SAMD15: variants seen among roughly 807,000 people sequenced by gnomAD.
SAMD15 encodes the protein sterile alpha motif domain containing 15.
In SAMD15, 37 loss-of-function variants were observed where a neutral mutation model predicts 50.5. The observed-to-expected ratio is 0.73, with a 90% CI of 0.56 to 0.96. The LOEUF is 0.96. SAMD15 is among the 40% of genes least tolerant of loss of function. The probability of loss-of-function intolerance (pLI) is 0.00; values close to 1 mark genes in which losing one functional copy is unlikely to be tolerated. For missense variants in SAMD15, 789 were observed against 783.8 expected (o/e 1.01, Z -0.08); for synonymous variants, 255 against 282.8 (o/e 0.90, Z 0.99).
In SAMD15 at chr14:77,391,126, G is replaced by C; in HGVS notation, c.1907G>C (p.Gly636Ala). The C allele has an allele frequency of 1.9e-6, 3 of 1,613,584 alleles. No individual in the cohort carries two copies. The highest frequency in any genetic ancestry group is 2.5e-6 in the Non-Finnish European group (3 of 1,179,582). The stretch of plus-strand genomic sequence containing the variant: ...TATTTAGAGCAAAAAGGTCATACTG[G>C]GATAAAATCTGATTCCTTGACTTTA... ...GLYLEQKGHT[G>A]IKSDSLTLSE... The change falls in exon 3 of 3, where the codon GGG becomes GCG. Residue 636 changes from glycine (G) to alanine (A), a missense_variant. Around this residue, in one of 2 missense-constraint regions of SAMD15, gnomAD observed 770 missense variants for 745.4 expected, o/e 1.03. Coordinates refer to ENST00000216471, the MANE Select transcript of SAMD15 (RefSeq NM_001010860.4).
intron 2 of SAMD15, among the ~76,000 whole-genome samples, chr14:77,381,144 C>T (rs1015224420): frequency 3.9e-5 from 6 of 152,126 alleles, no homozygotes; most frequent in African/African-American, 1.4e-4. Context: ...CACAGTAGCC[C>T]CCATCCCAAG....
Position 77,377,808 on chromosome 14 carries a change from T to G in SAMD15, c.390T>G (p.His130Gln). The G allele has an allele frequency of 1.2e-6, 2 of 1,614,066 alleles. No homozygotes were observed. The highest frequency in any genetic ancestry group is 1.7e-6 in the Non-Finnish European group (2 of 1,180,016). The change falls in exon 1 of 3, where the codon CAT becomes CAG. Residue 130 changes from histidine (H) to glutamine (Q), a missense_variant. By Grantham distance (24) the His-to-Gln change is conservative. Transcript: ENST00000216471. ...TGGAGGCCCCTATGGATGAAACGCA[T>G]AAAGAGTCAGACCTAGAGCCACCAG... ...KDLEAPMDET[H>Q]KESDLEPPEE...
intron 2 of SAMD15, among the ~76,000 whole-genome samples, chr14:77,390,647 T>C (rs1467775450): frequency 6.6e-6 from 1 of 152,178 alleles, no homozygotes; most frequent in Non-Finnish European, 1.5e-5. Context: ...CCCAGCACTT[T>C]GGGAGGCCAA....
At position 77,378,524 on chromosome 14, in the gene SAMD15, AG is replaced by A. The variant is rs1893891201; in HGVS notation, c.1107del (p.Asn372IlefsTer33). On this transcript the variant is annotated frameshift_variant, in exon 1 of 3. Coordinates refer to ENST00000216471, the MANE Select transcript of SAMD15 (RefSeq NM_001010860.4). LOFTEE classifies it high-confidence loss of function. ...CCAGAAGAGATAAGAAAGTCAAATG[AG>A]AAAAAAAATCCACAGCCACCAGAGG... is the stretch of plus-strand genomic sequence containing the variant. Reference protein sequence around the residue: ...ESPEEIRKSNEKKNPQPPEET... With the variant: ...ESPEEIRKSNXKKNPQPPEET... 6.2e-7 allele frequency: 1 copy of A among 1,613,692 alleles called. No individual in the cohort carries two copies. The highest frequency in any genetic ancestry group is 2.2e-5 in the East Asian group (1 of 44,884).
chr14:77,383,334 G>C (rs1279181081), intron 2 of SAMD15, among the ~76,000 whole-genome samples: 64 of 152,294 alleles, frequency 4.2e-4, no homozygotes. Flanking sequence ...TTTTTATCAT[G>C]AGAAGGCATT....
intron 2 of SAMD15, among the ~76,000 whole-genome samples, chr14:77,388,244 G>A (rs1894029420): frequency 6.6e-6 from 1 of 152,040 alleles, no homozygotes; most frequent in Non-Finnish European, 1.5e-5. Flanking sequence ...TTTTCTATTC[G>A]GGGCATTGGA....
chr14:77,378,953 A>G lies in SAMD15; in HGVS notation c.1535A>G (p.Glu512Gly), dbSNP rs908791333. The change falls in exon 1 of 3, where the codon GAA (glutamate) becomes GGA (glycine). Residue 512 changes from glutamate (E) to glycine (G), a missense_variant. Transcript: ENST00000216471. ...TELSEFVHEKEVVDLSQELKE... is the reference protein window; with the variant it reads ...TELSEFVHEKGVVDLSQELKE... ...TTAAGTGAGTTCGTTCATGAAAAGG[A>G]AGTTGTAGATTTGTCCCAAGAGTTG... 5 of 1,614,126 alleles carry G rather than the reference A, an allele frequency of 3.1e-6. No homozygotes were observed. In the Middle Eastern group the frequency reaches 8.2e-4, roughly 266 times the overall value.
At chr14:77,390,628 G>A (rs528547802) in intron 2 of SAMD15, among the ~76,000 whole-genome samples, 29 of 152,230 alleles carry the variant, frequency 1.9e-4, no homozygotes, top group African/African-American at 6.7e-4. Context: ...AGTGGCTCAC[G>A]CCTGCAATCC....
At chr14:77,389,643 G>A (rs1160710973) in intron 2 of SAMD15, among the ~76,000 whole-genome samples, 1 of 151,890 alleles carries the variant, frequency 6.6e-6, no homozygotes, top group East Asian at 1.9e-4. Context: ...TAGGATTACA[G>A]GAGCATGCCA....
At chr14:77,388,712 G>A (rs1223105840) in intron 2 of SAMD15, among the ~76,000 whole-genome samples, 6 of 151,928 alleles carry the variant, frequency 3.9e-5, no homozygotes, top group South Asian at 2.1e-4. Context: ...AGGTTCAAGC[G>A]ACTCTCCTGC....
chr14:77,383,264 G>T (rs1297361013), intron 2 of SAMD15, among the ~76,000 whole-genome samples: 1 of 152,106 alleles, frequency 6.6e-6, no homozygotes, highest in Non-Finnish European at 1.5e-5. Context: ...ATAAGGAACA[G>T]AATTAGCAAA....
At chr14:77,382,562 T>C (rs1283649164) in intron 2 of SAMD15, among the ~76,000 whole-genome samples, 1 of 152,022 alleles carries the variant, frequency 6.6e-6, no homozygotes, top group Admixed American at 6.6e-5. Context: ...GCCCGACTTA[T>C]ATTCAGATAA....
rs756956585 is a variant in SAMD15 at position 77,377,507 on chromosome 14, A to C, written c.89A>C (p.Lys30Thr). 1 of 1,614,140 alleles carries C rather than the reference A, an allele frequency of 6.2e-7. No homozygotes were observed. The highest frequency in any genetic ancestry group is 8.5e-7 in the Non-Finnish European group (1 of 1,180,020). Residue 30 changes from lysine (K) to threonine (T), a missense_variant, in exon 1 of 3, where the codon AAA becomes ACA. Lys to Thr is a moderately conservative substitution (Grantham distance 78). This residue lies in a region of SAMD15 where 770 missense variants were observed against 745.4 expected (regional missense o/e 1.03). Coordinates refer to ENST00000216471, the MANE Select transcript of SAMD15 (RefSeq NM_001010860.4). ...AGGCCTGAACTGCCTGGACTTCATAAATTGTATGAAAATGCCGAACCAGAC... is the reference window on the plus strand; with the variant it reads ...AGGCCTGAACTGCCTGGACTTCATACATTGTATGAAAATGCCGAACCAGAC... The part of the protein sequence containing the change: ...PERPELPGLH[K>T]LYENAEPDTM...
chr14:77,386,104 C>T (rs1894003120), intron 2 of SAMD15, among the ~76,000 whole-genome samples: 1 of 152,070 alleles, frequency 6.6e-6, no homozygotes, highest in Non-Finnish European at 1.5e-5. Flanking sequence ...AATCCACCCA[C>T]CTTGGCCTCT....
In SAMD15 at chr14:77,377,529, A is replaced by G; in HGVS notation, c.111A>G (p.Pro37=). The change falls in exon 1 of 3, where the codon CCA becomes CCG. Residue 37 remains proline, a synonymous_variant. Transcript: ENST00000216471. ...ATAAATTGTATGAAAATGCCGAACC[A>G]GACACCATGGCAAAGGCAGACTCGA... is the stretch of plus-strand genomic sequence containing the variant. ...GLHKLYENAE[P]DTMAKADSKL... is the part of the protein sequence containing the mutation. 6.2e-7 allele frequency: 1 copy of G among 1,614,220 alleles called. No homozygotes were observed. The highest frequency in any genetic ancestry group is 8.5e-7 in the Non-Finnish European group (1 of 1,180,044).
rs759716899 is a variant in SAMD15, at chr14:77,378,300, A to C, written c.882A>C (p.Arg294Ser). Reference protein sequence around the residue: ...TQPEVPEEMQRKATEEKGTEL... With the variant: ...TQPEVPEEMQSKATEEKGTEL... ...CAGAGGTTCCAGAGGAGATGCAAAG[A>C]AAGGCAACTGAGGAGAAAGGGACAG... The change falls in exon 1 of 3, where the codon AGA (arginine) becomes AGC (serine). Residue 294 changes from arginine (R) to serine (S), a missense_variant. This residue lies in a region of SAMD15 where 770 missense variants were observed against 745.4 expected (regional missense o/e 1.03). Coordinates refer to ENST00000216471, the MANE Select transcript of SAMD15 (RefSeq NM_001010860.4). 2 of 1,612,276 alleles carry C rather than the reference A, an allele frequency of 1.2e-6. No homozygotes were observed. The highest frequency in any genetic ancestry group is 1.7e-6 in the Non-Finnish European group (2 of 1,179,590).
chr14:77,383,088 C>A (rs369217792), intron 2 of SAMD15, among the ~76,000 whole-genome samples: 12 of 152,250 alleles, frequency 7.9e-5, no homozygotes, highest in African/African-American at 2.6e-4. Context: ...ATATCTTGTT[C>A]TTTTTATGTT....
At chr14:77,389,227 G>A (rs1894042822) in intron 2 of SAMD15, among the ~76,000 whole-genome samples, 1 of 151,992 alleles carries the variant, frequency 6.6e-6, no homozygotes, top group African/African-American at 2.4e-5. Context: ...GAGAAACATG[G>A]CATCTTGCCT....
chr14:77,377,809 A>G lies in SAMD15; in HGVS notation c.391A>G (p.Lys131Glu), dbSNP rs780097668. The change falls in exon 1 of 3, where the codon AAA (lysine) becomes GAA (glutamate). Residue 131 changes from lysine to glutamate, a missense_variant. By Grantham distance (56) the Lys-to-Glu change is moderately conservative. Around this residue, in one of 2 missense-constraint regions of SAMD15, gnomAD observed 770 missense variants for 745.4 expected, o/e 1.03. Transcript: ENST00000216471. ...DLEAPMDETH[K>E]ESDLEPPEEA... Reference sequence around the variant, plus strand: ...GGAGGCCCCTATGGATGAAACGCATAAAGAGTCAGACCTAGAGCCACCAGA... The same window carrying G: ...GGAGGCCCCTATGGATGAAACGCATGAAGAGTCAGACCTAGAGCCACCAGA... 6 of 1,611,470 alleles carry G rather than the reference A, an allele frequency of 3.7e-6. No individual in the cohort carries two copies. The Admixed American group carries it at 5.0e-5, about 13-fold the overall frequency.
Sources: gnomAD v4.1 joint callset for allele counts (sites outside exome capture counted in the v4.1 genomes callset) on GRCh38, gnomAD v4.1.1 for gene constraint, gnomAD v4.1.1 regional missense constraint, MANE v1.5 for transcripts, NCBI Gene and HGNC (gene_info 2026-07-23, HGNC 2026-07-21) for gene names.